The following AKAP8L variants were observed in gnomAD, a reference collection of about 807,000 sequenced individuals.
AKAP8L encodes the protein A-kinase anchor protein 8-like.
Under a neutral mutation model 77.5 loss-of-function variants are expected in AKAP8L, and 34 were observed. The ratio of observed to expected loss-of-function variants is 0.44; its 90% CI spans 0.33 to 0.58. The LOEUF (loss-of-function observed/expected upper bound fraction) is 0.58, where lower values mean the gene tolerates loss of function less well. Ranked by LOEUF, AKAP8L falls within the 20% of genes least tolerant of loss-of-function variation. AKAP8L has a pLI of 0.02. For missense variants in AKAP8L, 806 were observed against 887.6 expected (o/e 0.91, Z 1.17); for synonymous variants, 342 against 340.7 (o/e 1.00, Z -0.04).
At position 15,380,615 on chromosome 19, in the gene AKAP8L, G is replaced by A; in HGVS notation, c.1537-3C>T. On this transcript the variant is annotated splice_region_variant and splice_polypyrimidine_tract_variant and intron_variant, in intron 12 of 13. Coordinates refer to ENST00000397410, the MANE Select transcript of AKAP8L (RefSeq NM_014371.4). ...TTCTTGGACTGCTCCATCATGAGCT[G>A]CGGGCAGGGCAGAAGGAGCTGGAGA... is the stretch of plus-strand genomic sequence containing the variant. 1 of 1,613,160 alleles carries A rather than the reference G, an allele frequency of 6.2e-7. No homozygotes were observed. The highest frequency in any genetic ancestry group is 8.5e-7 in the Non-Finnish European group (1 of 1,179,788).
At chr19:15,400,408 TTA>T (rs1555699271) in intron 7 of AKAP8L, 50 bp from the exon 8 acceptor site, 6 of 1,524,788 alleles carry the variant, frequency 3.9e-6, no homozygotes, top group East Asian at 2.2e-5. Context: ...TTTTTTTTTT[TTA>T]AAAGAAACCA....
intron 12 of AKAP8L, among the ~76,000 whole-genome samples, chr19:15,384,980 C>CTTTTTTTTTTTTTTTTT (rs940796391): frequency 7.2e-6 from 1 of 137,958 alleles, no homozygotes; most frequent in African/African-American, 2.7e-5. Context: ...ATGCCATTCT[C>CTTTTTTTTTTTTTTTTT]TTTTTTTTTT....
chr19:15,383,393 G>A (rs1350844641), intron 12 of AKAP8L: 2 of 151,876 alleles, frequency 1.3e-5, no homozygotes, highest in African/African-American at 4.8e-5. Context: ...ATTTTTTGTA[G>A]AGACGAGATC....
Position 15,398,163 on chromosome 19 carries a change from C to A in AKAP8L, c.1158-308G>T. 1 of 418,814 alleles carries A rather than the reference C, an allele frequency of 2.4e-6. No individual in the cohort carries two copies. The highest frequency in any genetic ancestry group is 4.5e-6 in the Non-Finnish European group (1 of 224,700). The allele number at this position is 418,814 out of a possible 1,614,324, so 25.9% of individuals were successfully genotyped here. Reference sequence around the variant, plus strand: ...AGTCGCTGGAAAGTTGCTGGAGGGCCTCGCTACCAAGGCTGGGCAGGAGCG... The same window carrying A: ...AGTCGCTGGAAAGTTGCTGGAGGGCATCGCTACCAAGGCTGGGCAGGAGCG... On this transcript the variant is annotated intron_variant, in intron 9 of 13. Transcript: ENST00000397410. This position sits in a 1 kb window ranked among gnomAD's most constrained non-coding sequence, Gnocchi z 9.2.
At chr19:15,392,524 A>G (rs1967684288) in intron 12 of AKAP8L, among the ~76,000 whole-genome samples, 2 of 152,050 alleles carry the variant, frequency 1.3e-5, no homozygotes, top group Admixed American at 6.6e-5. Flanking sequence ...GTATTTTTAT[A>G]CACATGCAAA....
chr19:15,401,656 C>G lies in AKAP8L; in HGVS notation c.363-53G>C. The G allele has an allele frequency of 7.1e-7, 1 of 1,408,172 alleles. No individual in the cohort carries two copies. The highest frequency in any genetic ancestry group is 9.6e-7 in the Non-Finnish European group (1 of 1,044,144). The allele number at this position is 1,408,172 out of a possible 1,614,324, so 87.2% of individuals were successfully genotyped here. A position where few individuals can be genotyped will look rare whatever the true frequency, so the allele number is the denominator to read the frequency against. On this transcript the variant is annotated intron_variant, in intron 4 of 13. Coordinates refer to ENST00000397410, the MANE Select transcript of AKAP8L (RefSeq NM_014371.4). The surrounding 1 kb of genome is among the most constrained non-coding windows in gnomAD (Gnocchi z 6.2). ...TGGAGCCCCTCAGGATCCCTCACCTCCAGGCAACTGCTCCTGCCCTCCCCA... is the reference window on the plus strand; with the variant it reads ...TGGAGCCCCTCAGGATCCCTCACCTGCAGGCAACTGCTCCTGCCCTCCCCA...
Position 15,380,138 on chromosome 19 carries a change from C to A in AKAP8L, c.1925G>T (p.Gly642Val). 6.7e-7 allele frequency: 1 copy of A among 1,498,574 alleles called. No homozygotes were observed. Among genetic ancestry groups the A allele is most frequent in the Non-Finnish European group, 8.8e-7 (1 of 1,132,904 alleles). 92.8% of individuals were successfully genotyped at this position (1,498,574 alleles called of 1,614,324 possible). Residue 642 changes from glycine to valine, a missense_variant, in exon 14 of 14, where the codon GGC becomes GTC. Transcript: ENST00000397410. ...GAGCTCGGGTCACGGGGCGCCCCCG[C>A]CGCCCTCCTCGTCGTCCTCCACGTC... is the stretch of plus-strand genomic sequence containing the variant. ...GLDVEDDEEG[G>V]GGAP
At chr19:15,414,563 A>G (rs190999132) in intron 1 of AKAP8L, among the ~76,000 whole-genome samples, 1 of 151,536 alleles carries the variant, frequency 6.6e-6, no homozygotes, top group African/African-American at 2.4e-5. Context: ...ATCTTGGCTC[A>G]CTGCAAGCTC....
rs747656001 is a variant in AKAP8L, at chr19:15,401,263, C to A, written c.703G>T (p.Gly235Cys). 6 of 1,613,762 alleles carry A rather than the reference C, an allele frequency of 3.7e-6. No individual in the cohort carries two copies. The highest frequency in any genetic ancestry group is 3.4e-6 in the Non-Finnish European group (4 of 1,179,904). The change falls in exon 5 of 14, where the codon GGC (glycine) becomes TGC (cysteine). Residue 235 changes from glycine (G) to cysteine (C), a missense_variant. Gly to Cys is a radical substitution (Grantham distance 159). Coordinates refer to ENST00000397410, the MANE Select transcript of AKAP8L (RefSeq NM_014371.4). This position sits in a 1 kb window ranked among gnomAD's most constrained non-coding sequence, Gnocchi z 6.2. ...GGGAAGGCGCCCCCACCTCGCATGC[C>A]CTGGAACATGCCGTACTCGGGGATG... Reference protein sequence around the residue: ...NIIPEYGMFQGMRGGGAFPGG... With the variant: ...NIIPEYGMFQCMRGGGAFPGG...
Position 15,418,938 on chromosome 19 carries a change from C to G in AKAP8L, c.-15G>C. 3 of 1,604,888 alleles carry G rather than the reference C, an allele frequency of 1.9e-6. No individual in the cohort carries two copies. Among genetic ancestry groups the G allele is most frequent in the Non-Finnish European group, 2.5e-6 (3 of 1,179,520 alleles). ...GTGTAGCTCATGGTGGCGGGCAACA[C>G]AACATCCGACGACGCCGGCTTCTGC... On this transcript the variant is annotated 5_prime_UTR_variant, in exon 1 of 14. Coordinates refer to ENST00000397410, the MANE Select transcript of AKAP8L (RefSeq NM_014371.4).
chr19:15,392,905 A>AAAAAAAAAAAAAT (rs1967693556), intron 12 of AKAP8L, among the ~76,000 whole-genome samples: 1 of 150,890 alleles, frequency 6.6e-6, no homozygotes, highest in South Asian at 2.1e-4. Context: ...TCAAAAAAAA[A>AAAAAAAAAAAAAT]AAAATCTTAA....
intron 7 of AKAP8L, 69 bp from the exon 8 acceptor site, chr19:15,400,427 T>C (rs898245270): frequency 4.1e-6 from 6 of 1,470,378 alleles, no homozygotes; most frequent in Non-Finnish European, 5.6e-6. Flanking sequence ...ACCAAGTTTA[T>C]TAGAGCAACG....
At chr19:15,407,881 A>T (rs951117999) in intron 2 of AKAP8L, among the ~76,000 whole-genome samples, 5 of 152,250 alleles carry the variant, frequency 3.3e-5, no homozygotes, top group South Asian at 2.1e-4. Context: ...TGAATTTTTT[A>T]AAAAACTTCA....
At chr19:15,396,719 A>G (rs1221612938) in intron 12 of AKAP8L, among the ~76,000 whole-genome samples, 1 of 152,054 alleles carries the variant, frequency 6.6e-6, no homozygotes, top group Non-Finnish European at 1.5e-5. Flanking sequence ...ACCCAGGTGC[A>G]GGCCTGAAGT....
intron 4 of AKAP8L, among the ~76,000 whole-genome samples, chr19:15,402,592 T>C (rs1599610018): frequency 6.6e-6 from 1 of 152,214 alleles, no homozygotes; most frequent in Non-Finnish European, 1.5e-5. Flanking sequence ...ACAGAGCCCA[T>C]GGCATCAAAT....
In AKAP8L at chr19:15,401,054, A is replaced by AG. The variant is rs767920497; in HGVS notation, c.817-12dup. On this transcript the variant is annotated splice_polypyrimidine_tract_variant and intron_variant, in intron 5 of 13. Transcript: ENST00000397410. This position sits in a 1 kb window ranked among gnomAD's most constrained non-coding sequence, Gnocchi z 6.2. ...CTTCTTCTTCTTGGTCTGGGTCATA[A>AG]GGGGGGGAAGCCGTGTCAGGGTGCA... 42 of 1,611,526 alleles carry AG rather than the reference A, an allele frequency of 2.6e-5. No homozygotes were observed. Among genetic ancestry groups the AG allele is most frequent in the Admixed American group, 2.0e-4 (12 of 60,022 alleles).
chr19:15,385,102 C>G (rs1032524650), intron 12 of AKAP8L, among the ~76,000 whole-genome samples: 3 of 152,122 alleles, frequency 2.0e-5, no homozygotes, highest in Non-Finnish European at 4.4e-5. Flanking sequence ...CTCAGCCTCC[C>G]AAGTAGCTGG....
At chr19:15,385,402 C>T (rs1433194153) in intron 12 of AKAP8L, among the ~76,000 whole-genome samples, 1 of 151,688 alleles carries the variant, frequency 6.6e-6, no homozygotes, top group African/African-American at 2.4e-5. Flanking sequence ...AGGATGGTCT[C>T]GATCTCCTGA....
In AKAP8L at chr19:15,399,364, C is replaced by A. The variant is rs1190590162; in HGVS notation, c.1095G>T (p.Leu365Phe). Residue 365 changes from leucine (L) to phenylalanine (F), a missense_variant, in exon 9 of 14, where the codon TTG (leucine) becomes TTT (phenylalanine). By Grantham distance (22) the Leu-to-Phe change is conservative. Around this residue, in one of 2 missense-constraint regions of AKAP8L, gnomAD observed 580 missense variants for 694.1 expected, o/e 0.84. Transcript: ENST00000397410. This position sits in a 1 kb window ranked among gnomAD's most constrained non-coding sequence, Gnocchi z 6.1. ...QDENGQTKRKLQAGKKSQDKQ... is the reference protein window; with the variant it reads ...QDENGQTKRKFQAGKKSQDKQ... ...TGTCCTGACTCTTCTTGCCTGCCTG[C>A]AACTTGCGCTTGGTCTGGCCATTTT... The A allele has an allele frequency of 6.2e-7, 1 of 1,613,798 alleles. No individual in the cohort carries two copies. Among genetic ancestry groups the A allele is most frequent in the Non-Finnish European group, 8.5e-7 (1 of 1,179,870 alleles).
Sources: allele counts gnomAD v4.1 joint callset (sites outside exome capture counted in the v4.1 genomes callset), GRCh38; gene constraint gnomAD v4.1.1; regional missense constraint gnomAD v4.1.1; non-coding constraint Gnocchi (gnomAD v3.1); transcripts MANE v1.5; gene names NCBI Gene and HGNC (gene_info 2026-07-23, HGNC 2026-07-21).